STARD3NL: variants seen among roughly 807,000 people sequenced by gnomAD.
The protein encoded by STARD3NL is STARD3 N-terminal-like protein.
A neutral mutation model predicts 30.9 loss-of-function variants in STARD3NL; 17 were observed. The observed-to-expected ratio is 0.55, with a 90% CI of 0.38 to 0.82. STARD3NL has a LOEUF of 0.82. Ranked by LOEUF, STARD3NL falls within the 40% of genes least tolerant of loss-of-function variation. The pLI is 0.00. For missense variants in STARD3NL, 234 were observed against 277.6 expected (o/e 0.84, Z 1.12); for synonymous variants, 112 against 100.5 (o/e 1.11, Z -0.69).
chr7:38,228,907 G>A (rs1786942632), intron 8 of STARD3NL, 36 bp downstream of exon 8: 1 of 1,466,694 alleles, frequency 6.8e-7, no homozygotes, highest in Non-Finnish European at 9.5e-7. Context: ...CAACAAAGTA[G>A]TTAAGTATGG....
chr7:38,220,929 C>G (rs12701610), intron 7 of STARD3NL, among the ~76,000 whole-genome samples: 1 of 147,516 alleles, frequency 6.8e-6, no homozygotes, highest in African/African-American at 2.5e-5. Context: ...CATAGGGAGA[C>G]CTTGTCTCTA....
intron 1 of STARD3NL, among the ~76,000 whole-genome samples, chr7:38,183,630 T>C (rs974919994): frequency 2.0e-5 from 3 of 152,196 alleles, no homozygotes; most frequent in African/African-American, 7.2e-5. Flanking sequence ...ATTACCAATT[T>C]AGTTAATTTG....
chr7:38,219,252 G>A (rs1211824203), intron 6 of STARD3NL, among the ~76,000 whole-genome samples: 1 of 152,052 alleles, frequency 6.6e-6, no homozygotes, highest in Non-Finnish European at 1.5e-5. Context: ...TTGCTATGTT[G>A]CCCAGGCTGG....
At chr7:38,208,535 C>T (rs1052124914) in intron 2 of STARD3NL, among the ~76,000 whole-genome samples, 1 of 152,134 alleles carries the variant, frequency 6.6e-6, no homozygotes, top group Non-Finnish European at 1.5e-5. Flanking sequence ...TATGTGTTTT[C>T]TTCCCAAAGC....
At chr7:38,205,265 A>T (rs1046984926) in intron 1 of STARD3NL, among the ~76,000 whole-genome samples, 1 of 152,146 alleles carries the variant, frequency 6.6e-6, no homozygotes, top group Non-Finnish European at 1.5e-5. Context: ...GAATCCAGCA[A>T]CACATCAAAA....
intron 1 of STARD3NL, among the ~76,000 whole-genome samples, chr7:38,206,229 T>C (rs2116226478): frequency 6.6e-6 from 1 of 152,218 alleles, no homozygotes; most frequent in East Asian, 1.9e-4. Flanking sequence ...TACCTAGACA[T>C]TGCCAGTCAT....
chr7:38,178,613 A>G (rs1344291085), intron 1 of STARD3NL, among the ~76,000 whole-genome samples, 193 bp downstream of exon 1: 2 of 152,204 alleles, frequency 1.3e-5, no homozygotes, highest in Admixed American at 1.3e-4. Flanking sequence ...AATGGACACA[A>G]GAGTGAAGTT....
At chr7:38,207,964 G>C (rs774797593) in intron 2 of STARD3NL, among the ~76,000 whole-genome samples, 6 of 152,044 alleles carry the variant, frequency 3.9e-5, no homozygotes, top group Non-Finnish European at 5.9e-5. Context: ...TGAATTCCTG[G>C]TATTTTGCTC....
At chr7:38,206,311 G>A (rs1785476610) in intron 1 of STARD3NL, among the ~76,000 whole-genome samples, 1 of 152,160 alleles carries the variant, frequency 6.6e-6, no homozygotes, top group Non-Finnish European at 1.5e-5. Context: ...GACACAAGTG[G>A]CATATGAACT....
intron 1 of STARD3NL, among the ~76,000 whole-genome samples, chr7:38,186,089 G>C (rs961658994): frequency 6.6e-6 from 1 of 152,166 alleles, no homozygotes; most frequent in Non-Finnish European, 1.5e-5. Flanking sequence ...CACCTGTCTA[G>C]ATAGTAATAT....
rs1252824159 is a variant in STARD3NL, at chr7:38,205,360, A to C, written c.-58-2087A>C. Among the ~76,000 whole-genome samples, 5 of 152,312 alleles carry C rather than the reference A, an allele frequency of 3.3e-5. 1 individual carries two copies. The South Asian group carries it at 1.0e-3, about 32-fold the overall frequency. ...TGATATATTTCATAGGTACCTTCTT[A>C]TAAGAATTCGGTTTAGGTTTATTTT... On this transcript the variant is annotated intron_variant, in intron 1 of 8. Transcript: ENST00000009041.
At chr7:38,179,543 T>C (rs13228385) in intron 1 of STARD3NL, among the ~76,000 whole-genome samples, 12,707 of 152,304 alleles carry the variant, frequency 0.083, 653 homozygotes, top group Middle Eastern at 0.15. Flanking sequence ...TAACATCATT[T>C]GGATTTATTC....
rs77334099 is a variant in STARD3NL at position 38,220,424 on chromosome 7, A to T, written c.649+764A>T. Among the ~76,000 whole-genome samples, 350 of 152,368 alleles carry T rather than the reference A, an allele frequency of 2.3e-3. 3 individuals are homozygous for T. The highest frequency in any genetic ancestry group is 8.1e-3 in the African/African-American group (338 of 41,588). On this transcript the variant is annotated intron_variant, in intron 7 of 8. Coordinates refer to ENST00000009041, the MANE Select transcript of STARD3NL (RefSeq NM_032016.4). ...GAAAATGCAAATCAGAACCACAACA[A>T]GATACCGCTTCATACCGATTAGGAT...
Position 38,207,461 on chromosome 7 carries a change from G to A in STARD3NL, c.-44G>A. On this transcript the variant is annotated 5_prime_UTR_variant, in exon 2 of 9. Transcript: ENST00000009041. ...ATTTCCCAAAGGTGTCTTCTCTTTA[G>A]GGATGGTGAGGTTGGAAAAAGGCTC... The A allele has an allele frequency of 1.3e-6, 2 of 1,551,356 alleles. No individual in the cohort carries two copies. The highest frequency in any genetic ancestry group is 1.8e-6 in the Non-Finnish European group (2 of 1,128,506).
Position 38,230,586 on chromosome 7 carries a change from A to G in STARD3NL, c.*681A>G, listed in dbSNP as rs1334754258. 6.6e-6 allele frequency: 1 copy of G among 152,222 alleles called. No homozygotes were observed. Among genetic ancestry groups the G allele is most frequent in the Non-Finnish European group, 1.5e-5 (1 of 68,042 alleles). The allele number at this position is 152,222 out of a possible 1,614,324, so 9.4% of individuals were successfully genotyped here. On this transcript the variant is annotated 3_prime_UTR_variant, in exon 9 of 9. Coordinates refer to ENST00000009041, the MANE Select transcript of STARD3NL (RefSeq NM_032016.4). ...GTTCTGAAATGTTCTAAATACTCTT[A>G]TTTTGAATGCACAAAATGACTTAAA...
chr7:38,186,369 A>C (rs1453074716), intron 1 of STARD3NL, among the ~76,000 whole-genome samples: 2 of 152,212 alleles, frequency 1.3e-5, no homozygotes, highest in Admixed American at 1.3e-4. Context: ...AAAGTTCTGG[A>C]AAAAGATAGT....
chr7:38,226,125 A>AC (rs1786744305), intron 7 of STARD3NL, among the ~76,000 whole-genome samples: 1 of 138,518 alleles, frequency 7.2e-6, no homozygotes, highest in Non-Finnish European at 1.6e-5. Context: ...GGGAATGGTC[A>AC]CACTTTCTTG....
At chr7:38,223,593 C>G (rs1162562619) in intron 7 of STARD3NL, among the ~76,000 whole-genome samples, 2 of 152,156 alleles carry the variant, frequency 1.3e-5, no homozygotes, top group Non-Finnish European at 2.9e-5. Flanking sequence ...TTGCCTGCAG[C>G]AGCCTTGCCT....
chr7:38,213,408 A>C (rs1019135175), intron 2 of STARD3NL, among the ~76,000 whole-genome samples: 14 of 152,202 alleles, frequency 9.2e-5, no homozygotes, highest in Non-Finnish European at 1.6e-4. Context: ...TTGCATAACA[A>C]ATACAAATAT....
Sources: gnomAD v4.1 joint callset for allele counts (sites outside exome capture counted in the v4.1 genomes callset) on GRCh38, gnomAD v4.1.1 for gene constraint, MANE v1.5 for transcripts, NCBI Gene and HGNC (gene_info 2026-07-23, HGNC 2026-07-21) for gene names.